The following TMEM131L variants were observed in gnomAD, a reference collection of about 807,000 sequenced individuals.
TMEM131L encodes the protein transmembrane 131 like.
A neutral mutation model predicts 192.2 loss-of-function variants in TMEM131L; 54 were observed. That is an observed-to-expected ratio of 0.28 (90% confidence interval 0.23 to 0.35). TMEM131L has a LOEUF of 0.35. Ranked by LOEUF, TMEM131L falls within the 10% of genes least tolerant of loss-of-function variation. TMEM131L has a pLI of 1.00. For missense variants in TMEM131L, 1,888 were observed against 1,972.9 expected (o/e 0.96, Z 0.82); for synonymous variants, 701 against 704.9 (o/e 0.99, Z 0.09).
chr4:153,586,530 A>T (rs1014769597), intron 14 of TMEM131L, 151 bp downstream of exon 14: 19 of 497,730 alleles, frequency 3.8e-5, no homozygotes, highest in Non-Finnish European at 6.1e-5. Flanking sequence ...GTCTTGGATG[A>T]TAAATTGTTC....
At chr4:153,514,549 A>G (rs984569538) in intron 3 of TMEM131L, among the ~76,000 whole-genome samples, 5 of 152,204 alleles carry the variant, frequency 3.3e-5, no homozygotes, top group Non-Finnish European at 4.4e-5. Flanking sequence ...CCCTCTACAA[A>G]TGGCATCTCA....
At position 153,526,046 on chromosome 4, in the gene TMEM131L, A is replaced by G. The variant is rs149298244; in HGVS notation, c.240-24027A>G. 6.7e-3 allele frequency among the ~76,000 whole-genome samples: 1,013 copies of G among 151,902 alleles called. 1 individual carries two copies. Among genetic ancestry groups the G allele is most frequent in the Non-Finnish European group, 0.01 (698 of 67,952 alleles). The stretch of plus-strand genomic sequence containing the variant: ...TGATTTTTTTGTATTTTTAGTAGAG[A>G]TGGGGTTTCACCATGTTGGCCAGGA... On this transcript the variant is annotated intron_variant, in intron 3 of 34. Transcript: ENST00000409959.
At chr4:153,481,907 C>T (rs1179989580) in intron 3 of TMEM131L, among the ~76,000 whole-genome samples, 4 of 152,026 alleles carry the variant, frequency 2.6e-5, no homozygotes, top group Admixed American at 1.3e-4. Flanking sequence ...AGTGCAGTGA[C>T]GCGATCTCGG....
rs114522262 is a variant in TMEM131L, at chr4:153,497,924, G to A, written c.239+24036G>A. On this transcript the variant is annotated intron_variant, in intron 3 of 34. Coordinates refer to ENST00000409959, the MANE Select transcript of TMEM131L (RefSeq NM_001131007.2). ...AGAAAAGTTGAGAGACTTGTACGGT[G>A]AACACCCAGATACACATCTCCTAGC... Among the ~76,000 whole-genome samples the A allele has an allele frequency of 8.4e-3, 1,256 of 148,834 alleles. 12 individuals are homozygous for A. The highest frequency in any genetic ancestry group is 0.029 in the African/African-American group (1,190 of 40,378).
intron 3 of TMEM131L, among the ~76,000 whole-genome samples, chr4:153,510,898 CAAGA>C (rs1359355990): frequency 6.7e-6 from 1 of 150,178 alleles, no homozygotes; most frequent in African/African-American, 2.4e-5. Flanking sequence ...AAAAAAAAAA[CAAGA>C]AAAGAAAAAA....
chr4:153,493,530 C>T (rs183822632), intron 3 of TMEM131L, among the ~76,000 whole-genome samples: 2,937 of 151,526 alleles, frequency 0.019, 53 homozygotes, highest in South Asian at 0.069. Context: ...CATGGCGGTG[C>T]GCACTGGTAA....
chr4:153,601,781 A>G (rs1391007431), intron 21 of TMEM131L, among the ~76,000 whole-genome samples: 1 of 152,222 alleles, frequency 6.6e-6, no homozygotes, highest in Non-Finnish European at 1.5e-5. Flanking sequence ...ATTACAGGGC[A>G]TGGGGCATAT....
At chr4:153,497,957 G>T (rs1006813154) in intron 3 of TMEM131L, among the ~76,000 whole-genome samples, 1 of 149,352 alleles carries the variant, frequency 6.7e-6, no homozygotes, top group African/African-American at 2.5e-5. Context: ...AGCTTCTACA[G>T]ACATCCTTAA....
chr4:153,525,966 C>G (rs546793824), intron 3 of TMEM131L, among the ~76,000 whole-genome samples: 1 of 152,160 alleles, frequency 6.6e-6, no homozygotes, highest in African/African-American at 2.4e-5. Flanking sequence ...AAGTGATTCT[C>G]CTGCCTCAGC....
In TMEM131L at chr4:153,466,391, C is replaced by A; in HGVS notation, c.-7C>A. 1 of 1,315,728 alleles carries A rather than the reference C, an allele frequency of 7.6e-7. No homozygotes were observed. Among genetic ancestry groups the A allele is most frequent in the South Asian group, 2.0e-5 (1 of 49,090 alleles). 81.5% of individuals were successfully genotyped at this position (1,315,728 alleles called of 1,614,324 possible). A position where few individuals can be genotyped will look rare whatever the true frequency, so the allele number is the denominator to read the frequency against. ...GGCGAGCAACGGAGAGGAGCGCGAG[C>A]AGCAGCATGGCGGGGCTCCGACGCC... On this transcript the variant is annotated 5_prime_UTR_variant, in exon 1 of 35. Coordinates refer to ENST00000409959, the MANE Select transcript of TMEM131L (RefSeq NM_001131007.2).
intron 7 of TMEM131L, among the ~76,000 whole-genome samples, chr4:153,562,880 A>G (rs1050193489): frequency 1.3e-5 from 2 of 152,256 alleles, no homozygotes; most frequent in Non-Finnish European, 2.9e-5. Context: ...TTGAATCATT[A>G]TGAAAAAGAA....
chr4:153,569,184 C>T (rs547102998), intron 7 of TMEM131L, among the ~76,000 whole-genome samples: 1 of 152,068 alleles, frequency 6.6e-6, no homozygotes, highest in South Asian at 2.1e-4. Flanking sequence ...CTCATTGTGA[C>T]GTCCTTGGTT....
intron 3 of TMEM131L, among the ~76,000 whole-genome samples, chr4:153,490,751 C>T (rs1481054324): frequency 6.6e-6 from 1 of 151,778 alleles, no homozygotes; most frequent in African/African-American, 2.4e-5. Flanking sequence ...ATCATTAGAT[C>T]GAGACCATCT....
chr4:153,625,919 A>AC (rs1733812702), intron 29 of TMEM131L, among the ~76,000 whole-genome samples: 2 of 152,188 alleles, frequency 1.3e-5, no homozygotes, highest in Admixed American at 6.5e-5. Flanking sequence ...AAAAAAACAA[A>AC]ACAACAACAA....
chr4:153,597,056 A>AT (rs779487179), intron 20 of TMEM131L, among the ~76,000 whole-genome samples: 5 of 152,128 alleles, frequency 3.3e-5, no homozygotes, highest in Non-Finnish European at 5.9e-5. Flanking sequence ...CATTTGAGTT[A>AT]TTTTTTCAAA....
At chr4:153,508,935 C>T (rs1044383016) in intron 3 of TMEM131L, among the ~76,000 whole-genome samples, 11 of 152,144 alleles carry the variant, frequency 7.2e-5, no homozygotes, top group Admixed American at 5.9e-4. Flanking sequence ...TGAGCCACCA[C>T]GCCCAGCCTA....
At chr4:153,550,819 T>C (rs545064463) in intron 4 of TMEM131L, among the ~76,000 whole-genome samples, 12 of 152,256 alleles carry the variant, frequency 7.9e-5, no homozygotes, top group Non-Finnish European at 1.3e-4. Context: ...GGATTCAAAA[T>C]TGCACCATGC....
chr4:153,592,656 C>T (rs1731158081), intron 18 of TMEM131L, 72 bp downstream of exon 18: 13 of 1,037,298 alleles, frequency 1.3e-5, no homozygotes, highest in Admixed American at 3.5e-5. Context: ...TAATGTCCTA[C>T]ACTTTTTCAA....
chr4:153,536,088 A>C (rs1174243226), intron 3 of TMEM131L, among the ~76,000 whole-genome samples: 1 of 152,208 alleles, frequency 6.6e-6, no homozygotes, highest in African/African-American at 2.4e-5. Flanking sequence ...CATAGGATTC[A>C]TACCGTGCTT....
Sources: allele counts gnomAD v4.1 joint callset (sites outside exome capture counted in the v4.1 genomes callset), GRCh38; gene constraint gnomAD v4.1.1; transcripts MANE v1.5; gene names NCBI Gene and HGNC (gene_info 2026-07-23, HGNC 2026-07-21).